Variants in GNG12 observed in about 807,000 individuals in gnomAD.
GNG12 encodes G protein subunit gamma 12, also known as guanine nucleotide-binding protein G(I)/G(S)/G(O) subunit gamma-12.
For synonymous variants in GNG12, 28 were observed against 29.7 expected, an observed-to-expected ratio of 0.94 and a Z score of 0.19; for missense variants, 69 against 83.8, an observed-to-expected ratio of 0.82 and a Z score of 0.69.
chr1:67,761,572 G>A (rs1646605056), intron 2 of GNG12, among the ~76,000 whole-genome samples: 1 of 152,156 alleles, frequency 6.6e-6, no homozygotes, highest in Admixed American at 6.5e-5. Context: ...ACATTGCTTT[G>A]GGGTAATTCT....
chr1:67,812,052 G>A (rs1646929233), intron 1 of GNG12, among the ~76,000 whole-genome samples: 1 of 152,156 alleles, frequency 6.6e-6, no homozygotes, highest in Non-Finnish European at 1.5e-5. Context: ...CAGATAAACA[G>A]CTGACTATGG....
At chr1:67,821,727 T>A (rs1646985608) in intron 1 of GNG12, among the ~76,000 whole-genome samples, 1 of 152,100 alleles carries the variant, frequency 6.6e-6, no homozygotes, top group Admixed American at 6.5e-5. Context: ...ATAGAAAAAC[T>A]AACACACTCT....
At chr1:67,719,717 T>C (rs191079796) in intron 2 of GNG12, among the ~76,000 whole-genome samples, 111 of 152,330 alleles carry the variant, frequency 7.3e-4, no homozygotes, top group African/African-American at 2.3e-3. Flanking sequence ...TATAGGAGGT[T>C]GGGTTTATCA....
At chr1:67,707,495 C>T (rs538847885) in intron 3 of GNG12, 99 bp downstream of exon 3, 61 of 746,644 alleles carry the variant, frequency 8.2e-5, no homozygotes, top group Non-Finnish European at 1.1e-4. Context: ...TGGAAGCAAG[C>T]GGAATGAAAT....
chr1:67,777,370 T>C (rs970611871), intron 2 of GNG12, 88 bp downstream of exon 2: 3 of 171,496 alleles, frequency 1.7e-5, no homozygotes, highest in African/African-American at 7.2e-5. Flanking sequence ...ATCATAGCAC[T>C]GGTAGGGAAG....
intron 2 of GNG12, among the ~76,000 whole-genome samples, chr1:67,709,518 G>A (rs1570473706): frequency 6.6e-6 from 1 of 152,058 alleles, no homozygotes; most frequent in Non-Finnish European, 1.5e-5. Context: ...AAAACTAGGA[G>A]GATGAAGCAT....
chr1:67,786,497 A>G (rs922689776), intron 1 of GNG12, among the ~76,000 whole-genome samples: 2 of 152,190 alleles, frequency 1.3e-5, no homozygotes, highest in Admixed American at 1.3e-4. Context: ...AGCAAGGCCA[A>G]AGAAAACTGT....
chr1:67,737,965 T>G (rs1646461790), intron 2 of GNG12, among the ~76,000 whole-genome samples: 1 of 152,164 alleles, frequency 6.6e-6, no homozygotes, highest in African/African-American at 2.4e-5. Flanking sequence ...CTTTTCCTTT[T>G]TTTTTCTGTC....
chr1:67,712,040 G>C (rs999517854), intron 2 of GNG12, among the ~76,000 whole-genome samples: 2 of 152,204 alleles, frequency 1.3e-5, no homozygotes, highest in African/African-American at 4.8e-5. Flanking sequence ...TGGAGTTCTA[G>C]CTAAGGACTT....
intron 2 of GNG12, among the ~76,000 whole-genome samples, chr1:67,728,518 G>A (rs1424908246): frequency 6.6e-6 from 1 of 152,072 alleles, no homozygotes; most frequent in South Asian, 2.1e-4. Flanking sequence ...ACCAATTTAA[G>A]CTTTTGATAC....
chr1:67,726,671 A>T (rs936987035), intron 2 of GNG12, among the ~76,000 whole-genome samples: 7 of 152,234 alleles, frequency 4.6e-5, no homozygotes, highest in African/African-American at 1.7e-4. Flanking sequence ...AGAGAAACTA[A>T]TTGTTTAGCT....
intron 3 of GNG12, 70 bp from the exon 4 acceptor site, chr1:67,705,646 A>G: frequency 6.5e-7 from 1 of 1,528,102 alleles, no homozygotes; most frequent in Non-Finnish European, 8.8e-7. Flanking sequence ...AGCGTATTTG[A>G]ATGCTAGGCT....
chr1:67,784,308 G>A (rs1195777977), intron 1 of GNG12, among the ~76,000 whole-genome samples: 1 of 88,250 alleles, frequency 1.1e-5, no homozygotes, highest in Non-Finnish European at 2.2e-5. Context: ...ACACTCTGGG[G>A]ACTGTTGTGG....
chr1:67,717,332 T>G, intron 2 of GNG12, among the ~76,000 whole-genome samples: 1 of 152,148 alleles, frequency 6.6e-6, no homozygotes, highest in African/African-American at 2.4e-5. Flanking sequence ...CTGCCCAATA[T>G]GGCCAAACCC....
At chr1:67,725,386 T>A (rs1211383118) in intron 2 of GNG12, among the ~76,000 whole-genome samples, 1 of 152,238 alleles carries the variant, frequency 6.6e-6, no homozygotes, top group Non-Finnish European at 1.5e-5. Flanking sequence ...AACATGTCTG[T>A]CAAACATGTC....
intron 2 of GNG12, among the ~76,000 whole-genome samples, chr1:67,717,861 TA>T (rs1339384711): frequency 1.3e-5 from 2 of 152,254 alleles, no homozygotes; most frequent in Non-Finnish European, 2.9e-5. Flanking sequence ...TATAGCCAGA[TA>T]AATTCAAATC....
Position 67,726,806 on chromosome 1 carries a change from G to C in GNG12, c.-26-19094C>G, listed in dbSNP as rs78864545. On this transcript the variant is annotated intron_variant, in intron 2 of 3. Coordinates refer to ENST00000370982, the MANE Select transcript of GNG12 (RefSeq NM_018841.6). ...CTTAAGTTCCCAAAGTACATTACTA[G>C]TGCATGTGTTCTCATCATTCTTGTA... is the stretch of plus-strand genomic sequence containing the variant. 9.5e-4 allele frequency among the ~76,000 whole-genome samples: 145 copies of C among 152,280 alleles called. 1 individual carries two copies. The East Asian group carries it at 0.015, about 16-fold the overall frequency.
Position 67,705,545 on chromosome 1 carries a change from T to A in GNG12, c.125A>T (p.Tyr42Phe), listed in dbSNP as rs1349451567. 6.2e-7 allele frequency: 1 copy of A among 1,613,744 alleles called. No homozygotes were observed. Among genetic ancestry groups the A allele is most frequent in the Non-Finnish European group, 8.5e-7 (1 of 1,179,912 alleles). The change falls in exon 4 of 4, where the codon TAC (tyrosine) becomes TTC (phenylalanine). Residue 42 changes from tyrosine (Y) to phenylalanine (F), a missense_variant. Physicochemically the swap from Tyr to Phe is conservative, Grantham distance 22. Coordinates refer to ENST00000370982, the MANE Select transcript of GNG12 (RefSeq NM_018841.6). ...GTCACTCCTGGCATGTTCCTCACAG[T>A]AGGACATGAGGTCCGCTGATGCCTT... ...VSKASADLMS[Y>F]CEEHARSDPL...
At chr1:67,830,532 T>C (rs549065272) in intron 1 of GNG12, among the ~76,000 whole-genome samples, 1 of 152,332 alleles carries the variant, frequency 6.6e-6, no homozygotes, top group South Asian at 2.1e-4. Flanking sequence ...ATACTTTGAT[T>C]AAGAATTACA....
Sources: allele counts gnomAD v4.1 joint callset (sites outside exome capture counted in the v4.1 genomes callset), GRCh38; gene constraint gnomAD v4.1.1; transcripts MANE v1.5; gene names NCBI Gene and HGNC (gene_info 2026-07-23, HGNC 2026-07-21).